Variants in PGBD2 observed in about 807,000 individuals in gnomAD.
PGBD2 encodes piggyBac transposable element-derived protein 2.
A neutral mutation model predicts 8.1 loss-of-function variants in PGBD2; 6 were observed. That is an observed-to-expected ratio of 0.74 (90% CI 0.40 to 1.46). The LOEUF (loss-of-function observed/expected upper bound fraction) is 1.46. PGBD2 is among the 40% of genes most tolerant of loss of function. The probability of loss-of-function intolerance (pLI) is 0.02; values close to 1 mark genes in which losing one functional copy is unlikely to be tolerated. For synonymous variants in PGBD2, 318 were observed against 272.2 expected, an observed-to-expected ratio of 1.17 and a Z score of -1.66; for missense variants, 802 against 739.0, an observed-to-expected ratio of 1.09 and a Z score of -0.99.
chr1:248,889,075 G>T, the PGBD2 span, among the ~76,000 whole-genome samples: 1 of 151,992 alleles, frequency 6.6e-6, no homozygotes, highest in Admixed American at 6.6e-5. Flanking sequence ...ACAATAACAA[G>T]AATGATAAAA....
At chr1:248,905,972 A>C (rs1007425590), upstream of PGBD2, among the ~76,000 whole-genome samples, 5 of 152,214 alleles carry the variant, frequency 3.3e-5, no homozygotes, top group African/African-American at 1.2e-4. Context: ...ACTACCCTAG[A>C]AAGTCCCCAT....
At chr1:248,903,984 C>A (rs1661577649), upstream of PGBD2, among the ~76,000 whole-genome samples, 1 of 152,038 alleles carries the variant, frequency 6.6e-6, no homozygotes, top group Non-Finnish European at 1.5e-5. Context: ...CATACATACA[C>A]ACAAAGACAT....
chr1:248,924,451 T>C (rs3889945), downstream of PGBD2, among the ~76,000 whole-genome samples: 1 of 152,330 alleles, frequency 6.6e-6, no homozygotes, highest in African/African-American at 2.4e-5. Flanking sequence ...TTTTTCAAAA[T>C]GGAGAAATAC....
the PGBD2 span, among the ~76,000 whole-genome samples, chr1:248,888,307 C>T: frequency 6.6e-6 from 1 of 152,138 alleles, no homozygotes; most frequent in South Asian, 2.1e-4. Flanking sequence ...AATGGTAGTT[C>T]TAGGTTCCTT....
chr1:248,929,877 G>A, the PGBD2 span, among the ~76,000 whole-genome samples: 2 of 152,150 alleles, frequency 1.3e-5, no homozygotes, highest in South Asian at 4.1e-4. Flanking sequence ...TCCCTAGAAT[G>A]GGGTCAAGGA....
At chr1:248,906,724 C>G (rs1409069608) in intron 1 of PGBD2, among the ~76,000 whole-genome samples, 2 of 151,170 alleles carry the variant, frequency 1.3e-5, no homozygotes, top group South Asian at 2.1e-4. Flanking sequence ...CTGCGAATGC[C>G]ACGTCACATC....
chr1:248,874,391 C>T, the PGBD2 span, among the ~76,000 whole-genome samples: 1 of 152,176 alleles, frequency 6.6e-6, no homozygotes, highest in East Asian at 1.9e-4. Context: ...TATGACTTGA[C>T]TTCTAAACAA....
chr1:248,910,101 G>C lies in PGBD2; in HGVS notation c.-47-3715G>C, dbSNP rs947537537. ...ACTGTGACATGGTAACACAAGTCAG[G>C]CTTCTTGACCCAAACCTGGCTGGAC... On this transcript the variant is annotated intron_variant, in intron 1 of 2. Coordinates refer to ENST00000329291, the MANE Select transcript of PGBD2 (RefSeq NM_170725.3). Among the ~76,000 whole-genome samples, 3 of 152,188 alleles carry C rather than the reference G, an allele frequency of 2.0e-5. No homozygotes were observed. In the East Asian group the frequency reaches 5.8e-4, roughly 29 times the overall value.
the PGBD2 span, among the ~76,000 whole-genome samples, chr1:248,893,215 G>A: frequency 3.0e-4 from 45 of 152,208 alleles, 1 homozygote; most frequent in Non-Finnish European, 5.3e-4. Flanking sequence ...TTATCCCTTT[G>A]TTGTTGTTTT....
At chr1:248,896,372 T>C in the PGBD2 span, among the ~76,000 whole-genome samples, 1 of 152,106 alleles carries the variant, frequency 6.6e-6, no homozygotes. Context: ...CATATATATA[T>C]ATATTCTCTT....
chr1:248,913,941 GC>G (rs1662002062), intron 2 of PGBD2, 62 bp downstream of exon 2: 1 of 1,409,064 alleles, frequency 7.1e-7, no homozygotes, highest in Non-Finnish European at 1.0e-6. Flanking sequence ...CTTTTGAAAG[GC>G]CAGGTCCATG....
At chr1:248,922,094 C>T (rs1292041194), downstream of PGBD2, among the ~76,000 whole-genome samples, 3 of 147,974 alleles carry the variant, frequency 2.0e-5, no homozygotes, top group Admixed American at 6.8e-5. Flanking sequence ...GAGTCTCACT[C>T]TGTTGCCCAG....
At chr1:248,874,402 A>G in the PGBD2 span, among the ~76,000 whole-genome samples, 12 of 152,206 alleles carry the variant, frequency 7.9e-5, no homozygotes, top group Admixed American at 1.3e-4. Context: ...TTCTAAACAA[A>G]GGGCAAAACG....
the PGBD2 span, among the ~76,000 whole-genome samples, chr1:248,880,459 C>T: frequency 6.6e-6 from 1 of 152,146 alleles, no homozygotes; most frequent in Non-Finnish European, 1.5e-5. Context: ...TGAAATCCAA[C>T]CAGTAGGAAA....
the PGBD2 span, among the ~76,000 whole-genome samples, chr1:248,876,288 G>A: frequency 2.0e-5 from 3 of 152,158 alleles, no homozygotes; most frequent in South Asian, 2.1e-4. Flanking sequence ...GATTACAGGC[G>A]TGAGCCACCG....
At chr1:248,888,817 C>T in the PGBD2 span, among the ~76,000 whole-genome samples, 3,071 of 152,186 alleles carry the variant, frequency 0.02, 100 homozygotes, top group African/African-American at 0.069. Flanking sequence ...TTTGCCAAGG[C>T]GAATGTCCGG....
At chr1:248,882,006 AAAGCTTC>A in the PGBD2 span, among the ~76,000 whole-genome samples, 1 of 152,238 alleles carries the variant, frequency 6.6e-6, no homozygotes, top group Non-Finnish European at 1.5e-5. Flanking sequence ...CAGAGGCAAG[AAAGCTTC>A]AAGTTTATTT....
At chr1:248,924,597 T>G (rs192485667), downstream of PGBD2, among the ~76,000 whole-genome samples, 2 of 152,368 alleles carry the variant, frequency 1.3e-5, no homozygotes, top group Admixed American at 1.3e-4. Flanking sequence ...GTTTGAAATG[T>G]TTGTGAATTT....
At chr1:248,923,294 A>G (rs911094199), downstream of PGBD2, among the ~76,000 whole-genome samples, 2 of 152,196 alleles carry the variant, frequency 1.3e-5, no homozygotes, top group Non-Finnish European at 2.9e-5. Context: ...CTGGGGGATC[A>G]GTGGTGATAT....
Sources: gnomAD v4.1 joint callset for allele counts (sites outside exome capture counted in the v4.1 genomes callset) on GRCh38, gnomAD v4.1.1 for gene constraint, MANE v1.5 for transcripts, NCBI Gene and HGNC (gene_info 2026-07-23, HGNC 2026-07-21) for gene names.